SPMIP4: variants seen among roughly 807,000 people sequenced by gnomAD.
The protein encoded by SPMIP4 is sperm-associated microtubule inner protein 4.
chr7:25,127,134 G>C, the SPMIP4 span, among the ~76,000 whole-genome samples: 1 of 152,046 alleles, frequency 6.6e-6, no homozygotes, highest in Non-Finnish European at 1.5e-5. Context: ...TGGATCTTTG[G>C]GAGTTTGATT....
chr7:25,127,488 T>C, the SPMIP4 span, among the ~76,000 whole-genome samples: 2 of 152,206 alleles, frequency 1.3e-5, no homozygotes, highest in Non-Finnish European at 2.9e-5. Context: ...CTGCATTTTT[T>C]AGTACGTTAA....
the SPMIP4 span, among the ~76,000 whole-genome samples, chr7:25,156,262 G>C: frequency 2.0e-5 from 3 of 152,060 alleles, no homozygotes; most frequent in Non-Finnish European, 4.4e-5. Flanking sequence ...GGAGAGGCAC[G>C]GGACAGAGTC....
chr7:25,169,264 A>T, the SPMIP4 span, among the ~76,000 whole-genome samples: 1,391 of 152,134 alleles, frequency 9.1e-3, 20 homozygotes, highest in African/African-American at 0.032. Context: ...TAAAGTGTAT[A>T]ATTCAATGGC....
chr7:25,148,672 G>A, the SPMIP4 span, among the ~76,000 whole-genome samples: 35 of 151,856 alleles, frequency 2.3e-4, no homozygotes, highest in Admixed American at 1.3e-4. Flanking sequence ...TCAGTGTTCC[G>A]CCATGTTGGT....
the SPMIP4 span, chr7:25,142,220 G>C: frequency 6.3e-7 from 1 of 1,575,094 alleles, no homozygotes; most frequent in Non-Finnish European, 8.7e-7. Flanking sequence ...AAATAACTGA[G>C]AGTTGACTGC....
the SPMIP4 span, among the ~76,000 whole-genome samples, chr7:25,163,493 TA>T: frequency 6.6e-6 from 1 of 152,192 alleles, no homozygotes; most frequent in Non-Finnish European, 1.5e-5. The surrounding 1 kb of genome is among the most constrained non-coding windows in gnomAD (Gnocchi z 4.4). Context: ...ATTAGGTAGA[TA>T]AAACGACCAG....
At chr7:25,158,697 C>G in the SPMIP4 span, among the ~76,000 whole-genome samples, 1 of 150,578 alleles carries the variant, frequency 6.6e-6, no homozygotes, top group Non-Finnish European at 1.5e-5. Context: ...CTCAGGAGTT[C>G]GAGACCAGCC....
At chr7:25,161,186 T>TA in the SPMIP4 span, 1 of 1,525,442 alleles carries the variant, frequency 6.6e-7, no homozygotes, top group Non-Finnish European at 8.9e-7. Context: ...AACCCAGACT[T>TA]ACAAAGAATC....
the SPMIP4 span, among the ~76,000 whole-genome samples, chr7:25,143,911 T>A: frequency 6.6e-6 from 1 of 152,320 alleles, no homozygotes; most frequent in Non-Finnish European, 1.5e-5. Flanking sequence ...GACACAATTA[T>A]TTGAAAGTTC....
At chr7:25,161,078 T>C in the SPMIP4 span, 1 of 600,948 alleles carries the variant, frequency 1.7e-6, no homozygotes, top group Middle Eastern at 3.8e-4. Context: ...AAAAAAGAAA[T>C]AATTTGTTTC....
At chr7:25,131,187 T>C in the SPMIP4 span, among the ~76,000 whole-genome samples, 1 of 152,240 alleles carries the variant, frequency 6.6e-6, no homozygotes, top group African/African-American at 2.4e-5. The surrounding 1 kb of genome is among the most constrained non-coding windows in gnomAD (Gnocchi z 4.2). Flanking sequence ...ATGCTCCTTA[T>C]GAGAATCTAA....
At chr7:25,169,856 C>T in the SPMIP4 span, among the ~76,000 whole-genome samples, 6 of 152,148 alleles carry the variant, frequency 3.9e-5, no homozygotes, top group Non-Finnish European at 1.5e-5. Flanking sequence ...GGATTACAGG[C>T]GTGAGTCACT....
chr7:25,175,325 C>T, the SPMIP4 span, among the ~76,000 whole-genome samples: 1 of 152,104 alleles, frequency 6.6e-6, no homozygotes, highest in African/African-American at 2.4e-5. Flanking sequence ...GTGGTGTGAT[C>T]TTGGCATACT....
At chr7:25,171,558 G>C in the SPMIP4 span, among the ~76,000 whole-genome samples, 1 of 152,058 alleles carries the variant, frequency 6.6e-6, no homozygotes, top group African/African-American at 2.4e-5. Flanking sequence ...ACTTCCCACT[G>C]AAAACAACTA....
the SPMIP4 span, chr7:25,136,788 T>G: frequency 1.9e-6 from 3 of 1,607,942 alleles, no homozygotes; most frequent in East Asian, 6.7e-5. This position sits in a 1 kb window ranked among gnomAD's most constrained non-coding sequence, Gnocchi z 5.7. Flanking sequence ...GGTGGAATTT[T>G]TCTTGCTGTA....
the SPMIP4 span, among the ~76,000 whole-genome samples, chr7:25,170,495 T>G: frequency 4.6e-5 from 7 of 152,274 alleles, no homozygotes; most frequent in Non-Finnish European, 1.0e-4. Flanking sequence ...TTTACTTACT[T>G]GATAGTGTCC....
the SPMIP4 span, among the ~76,000 whole-genome samples, chr7:25,167,783 T>C: frequency 6.6e-6 from 1 of 152,220 alleles, no homozygotes; most frequent in Non-Finnish European, 1.5e-5. Context: ...ATATTTAATA[T>C]AACATTTGCT....
At chr7:25,139,784 A>G in the SPMIP4 span, among the ~76,000 whole-genome samples, 3 of 152,334 alleles carry the variant, frequency 2.0e-5, no homozygotes, top group South Asian at 4.1e-4. Context: ...GTATGCAAGA[A>G]GCAGTTTTTA....
chr7:25,135,956 G>A, the SPMIP4 span: 9 of 1,562,294 alleles, frequency 5.8e-6, no homozygotes, highest in Admixed American at 1.2e-4. Context: ...GGGTTTTGAA[G>A]GGAAGAATGA....
Sources: gnomAD v4.1 joint callset for allele counts (sites outside exome capture counted in the v4.1 genomes callset) on GRCh38, gnomAD v4.1.1 for gene constraint, Gnocchi (gnomAD v3.1) non-coding constraint, MANE v1.5 for transcripts, NCBI Gene and HGNC (gene_info 2026-07-23, HGNC 2026-07-21) for gene names.